Variants in DNAH7 observed in about 807,000 individuals in gnomAD.
The protein encoded by DNAH7 is dynein axonemal heavy chain 7, also known as axonemal beta dynein heavy chain 7.
In DNAH7, 397 loss-of-function variants were observed where a neutral mutation model predicts 444.6. That is an observed-to-expected ratio of 0.89 (90% CI 0.82 to 0.97). The LOEUF (loss-of-function observed/expected upper bound fraction) is 0.97, where lower values mean the gene tolerates loss of function less well. Among genes scored for constraint, DNAH7 ranks in the 50% least tolerant of loss-of-function variants. The pLI is 0.00. For synonymous variants in DNAH7, 1,636 were observed against 1,624.4 expected, an observed-to-expected ratio of 1.01 and a Z score of -0.17; for missense variants, 4,902 against 4,800.8, an observed-to-expected ratio of 1.02 and a Z score of -0.62.
At chr2:195,806,870 ATT>A in intron 53 of DNAH7, 38 bp from the exon 54 acceptor site, 1 of 1,538,270 alleles carries the variant, frequency 6.5e-7, no homozygotes, top group Non-Finnish European at 8.9e-7. Context: ...TATTTTGGAG[ATT>A]ATAAAGAGAA....
At chr2:195,857,240 T>C (rs1389923157) in intron 44 of DNAH7, 137 bp downstream of exon 44, 5 of 737,570 alleles carry the variant, frequency 6.8e-6, no homozygotes, top group Non-Finnish European at 1.0e-5. Flanking sequence ...CTCCAGTAAA[T>C]ATGCAAACAC....
intron 40 of DNAH7, among the ~76,000 whole-genome samples, chr2:195,866,311 T>C (rs1055666502): frequency 4.6e-5 from 7 of 152,232 alleles, no homozygotes; most frequent in African/African-American, 1.7e-4. Flanking sequence ...TTTTAGTGTA[T>C]TGTTATCAAA....
intron 31 of DNAH7, 48 bp from the exon 32 acceptor site, chr2:195,889,029 TATAAAGAA>T (rs1701864351): frequency 6.6e-7 from 1 of 1,504,172 alleles, no homozygotes; most frequent in African/African-American, 1.4e-5. Flanking sequence ...ATGATGATAA[TATAAAGAA>T]ACAGTTCAAT....
At chr2:195,868,089 CTTTTTTT>C (rs58317384) in intron 40 of DNAH7, among the ~76,000 whole-genome samples, 1 of 101,058 alleles carries the variant, frequency 9.9e-6, no homozygotes, top group African/African-American at 4.0e-5. Flanking sequence ...TATTATTCAT[CTTTTTTT>C]TTTTTTTTTT....
chr2:196,000,415 A>G (rs1425247053), intron 12 of DNAH7, among the ~76,000 whole-genome samples: 1 of 152,218 alleles, frequency 6.6e-6, no homozygotes, highest in Non-Finnish European at 1.5e-5. Flanking sequence ...TTTACAGGAA[A>G]TGGTAGGAGA....
chr2:196,061,537 C>CAA (rs1698134332), intron 1 of DNAH7, among the ~76,000 whole-genome samples: 1 of 152,084 alleles, frequency 6.6e-6, no homozygotes, highest in Admixed American at 6.6e-5. Flanking sequence ...AGCTAAAATC[C>CAA]CTGGTACCAT....
At chr2:195,810,993 G>C (rs546531524) in intron 51 of DNAH7, among the ~76,000 whole-genome samples, 1 of 152,102 alleles carries the variant, frequency 6.6e-6, no homozygotes, top group African/African-American at 2.4e-5. Context: ...TCTTCTTGTA[G>C]ACAGAAAGAT....
intron 49 of DNAH7, among the ~76,000 whole-genome samples, chr2:195,819,647 CTG>C (rs1697368425): frequency 6.6e-6 from 1 of 152,110 alleles, no homozygotes. Context: ...GATAAGGACT[CTG>C]AGAGTGGACA....
intron 48 of DNAH7, among the ~76,000 whole-genome samples, chr2:195,824,669 C>T (rs1263582273): frequency 6.6e-6 from 1 of 152,184 alleles, no homozygotes; most frequent in African/African-American, 2.4e-5. Context: ...ATCCTGCCTG[C>T]TTCCCTTCTC....
chr2:195,936,594 C>T lies in DNAH7; in HGVS notation c.3272+5G>A. 3.8e-6 allele frequency: 6 copies of T among 1,567,356 alleles called. No individual in the cohort carries two copies. Among genetic ancestry groups the T allele is most frequent in the Non-Finnish European group, 5.1e-6 (6 of 1,165,138 alleles). ...AGTCATGTATTCTACATGTAAATTA[C>T]TTACCTAGTGGGATCTTTAGTCTCA... On this transcript the variant is annotated splice_donor_5th_base_variant and intron_variant, in intron 20 of 64. Transcript: ENST00000312428.
At chr2:195,837,755 C>CA in intron 47 of DNAH7, among the ~76,000 whole-genome samples, 1 of 152,064 alleles carries the variant, frequency 6.6e-6, no homozygotes, top group East Asian at 1.9e-4. Context: ...TGCAGTTACC[C>CA]AAAACACTGA....
intron 59 of DNAH7, among the ~76,000 whole-genome samples, chr2:195,777,495 T>C (rs1312843079): frequency 1.3e-5 from 2 of 152,226 alleles, no homozygotes; most frequent in South Asian, 2.1e-4. Flanking sequence ...CCATCTCTTA[T>C]GTATTTTCAT....
At chr2:195,865,249 G>A (rs1230937613) in intron 40 of DNAH7, among the ~76,000 whole-genome samples, 1 of 152,076 alleles carries the variant, frequency 6.6e-6, no homozygotes, top group Non-Finnish European at 1.5e-5. Flanking sequence ...ATCAATGAAA[G>A]GTAATTTTGG....
chr2:195,983,372 A>C (rs1271630352), intron 15 of DNAH7, among the ~76,000 whole-genome samples: 2 of 152,156 alleles, frequency 1.3e-5, no homozygotes, highest in Non-Finnish European at 2.9e-5. Flanking sequence ...GCTGTACAAG[A>C]AGCATGGTGC....
At chr2:196,022,119 C>T (rs1004528204) in intron 8 of DNAH7, among the ~76,000 whole-genome samples, 2 of 151,970 alleles carry the variant, frequency 1.3e-5, no homozygotes, top group African/African-American at 4.8e-5. Flanking sequence ...AGAGTGAGAC[C>T]CTGTCTCGGG....
chr2:196,052,099 CT>C (rs2125865908), intron 2 of DNAH7, among the ~76,000 whole-genome samples: 1 of 152,350 alleles, frequency 6.6e-6, no homozygotes, highest in South Asian at 2.1e-4. Flanking sequence ...CAGAGACTTC[CT>C]TTCAAACTTT....
Position 195,936,774 on chromosome 2 carries a change from C to G in DNAH7, c.3097G>C (p.Val1033Leu), listed in dbSNP as rs1689082931. The G allele has an allele frequency of 6.5e-7, 1 of 1,545,218 alleles. No individual in the cohort carries two copies. Among genetic ancestry groups the G allele is most frequent in the Non-Finnish European group, 8.7e-7 (1 of 1,151,114 alleles). ...TCCAGCATTCTGTCAATGGTTACAA[C>G]TGTCAGAACATGTTTATCCTAAAAA... ...SVMQDKHVLTVVTIDRMLERL... is the reference protein window; with the variant it reads ...SVMQDKHVLTLVTIDRMLERL... Residue 1033 changes from valine (V) to leucine (L), a missense_variant, in exon 20 of 65, where the codon GTT (valine) becomes CTT (leucine). Transcript: ENST00000312428.
rs1390400012 is a variant in DNAH7, at chr2:195,923,744, C to T, written c.3676G>A (p.Gly1226Ser). 1.2e-5 allele frequency: 20 copies of T among 1,614,006 alleles called. No homozygotes were observed. Among genetic ancestry groups the T allele is most frequent in the East Asian group, 2.2e-5 (1 of 44,894 alleles). Residue 1226 changes from glycine (G) to serine (S), a missense_variant, in exon 23 of 65, where the codon GGC (glycine) becomes AGC (serine). By Grantham distance (56) the Gly-to-Ser change is moderately conservative. Transcript: ENST00000312428. ...QIDDIVTLVR[G>S]KLSMQNRVTL... The stretch of plus-strand genomic sequence containing the variant: ...ACGCGATTCTGCATGGACAATTTGC[C>T]ACGCACCAAAGTGACAATATCATCA...
rs1022182760 is a variant in DNAH7, at chr2:196,010,943, T to TA, written c.989+1843dup. Among the ~76,000 whole-genome samples, 7 of 152,164 alleles carry TA rather than the reference T, an allele frequency of 4.6e-5. No homozygotes were observed. The East Asian group carries it at 1.4e-3, about 29-fold the overall frequency. ...CATGCTCTTATTCATATGTGGAAGC[T>TA]AAAAAAACATTGATGTCATGGAGGT... On this transcript the variant is annotated intron_variant, in intron 10 of 64. Coordinates refer to ENST00000312428, the MANE Select transcript of DNAH7 (RefSeq NM_018897.3).
Sources: allele counts gnomAD v4.1 joint callset (sites outside exome capture counted in the v4.1 genomes callset), GRCh38; gene constraint gnomAD v4.1.1; transcripts MANE v1.5; gene names NCBI Gene and HGNC (gene_info 2026-07-23, HGNC 2026-07-21).